DDX10: variants seen among roughly 807,000 people sequenced by gnomAD.
DDX10 encodes probable ATP-dependent RNA helicase DDX10.
In DDX10, 74 loss-of-function variants were observed where a neutral mutation model predicts 104.3. That is an observed-to-expected ratio of 0.71 (90% CI 0.59 to 0.86). The LOEUF (loss-of-function observed/expected upper bound fraction) is 0.86, where lower values mean the gene tolerates loss of function less well. Ranked by LOEUF, DDX10 falls within the 40% of genes least tolerant of loss-of-function variation. The pLI is 0.00. For synonymous variants in DDX10, 351 were observed against 353.4 expected, an observed-to-expected ratio of 0.99 and a Z score of 0.08; for missense variants, 952 against 1,040.0, an observed-to-expected ratio of 0.92 and a Z score of 1.16.
intron 13 of DDX10, among the ~76,000 whole-genome samples, chr11:108,804,622 T>C (rs1490374674): frequency 6.6e-6 from 1 of 152,200 alleles, no homozygotes; most frequent in Non-Finnish European, 1.5e-5. Flanking sequence ...CTGGGATCTC[T>C]GCTCAGGGTC....
chr11:108,749,536 C>T (rs868232777), intron 13 of DDX10, among the ~76,000 whole-genome samples: 2 of 152,200 alleles, frequency 1.3e-5, no homozygotes, highest in African/African-American at 2.4e-5. Context: ...AAACACTTCC[C>T]TTAATTGCTT....
intron 13 of DDX10, among the ~76,000 whole-genome samples, chr11:108,802,088 A>G (rs1374345108): frequency 1.3e-5 from 2 of 151,876 alleles, no homozygotes; most frequent in African/African-American, 2.4e-5. Context: ...TACTTTGTCC[A>G]GAAAACTCAG....
At chr11:108,887,571 CAT>C (rs1337272851) in intron 16 of DDX10, among the ~76,000 whole-genome samples, 1 of 149,432 alleles carries the variant, frequency 6.7e-6, no homozygotes, top group Non-Finnish European at 1.5e-5. Context: ...ACCGGAAACT[CAT>C]AGTCTGCTTA....
chr11:108,914,771 G>A (rs936583257), intron 16 of DDX10, among the ~76,000 whole-genome samples: 2 of 146,564 alleles, frequency 1.4e-5, no homozygotes, highest in Non-Finnish European at 3.0e-5. Context: ...TATATTCAAA[G>A]AATTAAAGGA....
At chr11:108,827,412 G>A (rs946399639) in intron 13 of DDX10, among the ~76,000 whole-genome samples, 1 of 152,196 alleles carries the variant, frequency 6.6e-6, no homozygotes, top group Non-Finnish European at 1.5e-5. Context: ...AGAAATTACA[G>A]TAACAGAGTT....
At chr11:108,676,966 C>A in intron 3 of DDX10, 119 bp from the exon 4 acceptor site, 1 of 829,108 alleles carries the variant, frequency 1.2e-6, no homozygotes, top group Non-Finnish European at 1.9e-6. Flanking sequence ...CTGGATAAAA[C>A]TTGAGTGGTA....
intron 16 of DDX10, among the ~76,000 whole-genome samples, chr11:108,892,734 A>G (rs1215173774): frequency 2.0e-5 from 3 of 152,206 alleles, no homozygotes; most frequent in Non-Finnish European, 2.9e-5. Context: ...AACAAGTACA[A>G]TTATCATTTG....
At chr11:108,930,761 GCTTTGT>G (rs1268358615) in intron 17 of DDX10, among the ~76,000 whole-genome samples, 1 of 152,112 alleles carries the variant, frequency 6.6e-6, no homozygotes, top group Non-Finnish European at 1.5e-5. Context: ...ATAATAATAT[GCTTTGT>G]CTTTTCAGAT....
chr11:108,837,004 A>G (rs185360921), intron 13 of DDX10, among the ~76,000 whole-genome samples: 270 of 152,324 alleles, frequency 1.8e-3, no homozygotes, highest in African/African-American at 6.1e-3. Flanking sequence ...TTAAAAATCA[A>G]TCAACTAGGG....
intron 13 of DDX10, among the ~76,000 whole-genome samples, chr11:108,824,280 C>G (rs952203600): frequency 1.3e-5 from 2 of 152,098 alleles, no homozygotes; most frequent in Admixed American, 6.5e-5. Flanking sequence ...TGACCTCAAG[C>G]GATCCACCTA....
At chr11:108,706,967 C>A in intron 10 of DDX10, 130 bp downstream of exon 10, 1 of 719,202 alleles carries the variant, frequency 1.4e-6, no homozygotes, top group Non-Finnish European at 2.4e-6. Flanking sequence ...TATAAAAAGG[C>A]TCTTTTTAGA....
At position 108,885,404 on chromosome 11, in the gene DDX10, C is replaced by T. The variant is rs1591110327; in HGVS notation, c.2305-32469C>T. On this transcript the variant is annotated intron_variant, in intron 16 of 17. Transcript: ENST00000322536. ...ATGGAGTCTCGCACTCTCACCCAGG[C>T]TGGAGTGTAGTGGCGTGATCTCAGC... 2.8e-5 allele frequency among the ~76,000 whole-genome samples: 4 copies of T among 145,234 alleles called. No homozygotes were observed. In the South Asian group the frequency reaches 8.7e-4, roughly 31 times the overall value.
intron 15 of DDX10, 137 bp downstream of exon 15, chr11:108,841,613 C>CT: frequency 2.4e-6 from 2 of 842,836 alleles, no homozygotes; most frequent in South Asian, 2.1e-5. Context: ...TGTGGCTACT[C>CT]TTTTTTCTGT....
At chr11:108,804,746 C>T (rs1862073887) in intron 13 of DDX10, among the ~76,000 whole-genome samples, 1 of 152,132 alleles carries the variant, frequency 6.6e-6, no homozygotes, top group African/African-American at 2.4e-5. Flanking sequence ...TTTCTTTTGA[C>T]AGCTGTATGA....
intron 11 of DDX10, among the ~76,000 whole-genome samples, chr11:108,718,314 G>A (rs959128719): frequency 3.9e-5 from 6 of 152,190 alleles, no homozygotes; most frequent in Admixed American, 3.3e-4. Flanking sequence ...GCTATACCAA[G>A]TTGGACTTCT....
At chr11:108,708,707 A>G (rs1181774039) in intron 10 of DDX10, among the ~76,000 whole-genome samples, 5 of 151,934 alleles carry the variant, frequency 3.3e-5, no homozygotes, top group African/African-American at 1.2e-4. Flanking sequence ...AGCTAGAATT[A>G]CAGGCATGTG....
Position 108,917,987 on chromosome 11 carries a change from T to A in DDX10, c.2419T>A (p.Ser807Thr). ...AGATAAATACAGAAGCTCTGAAGAT[T>A]CAGATAGTGAAGATATGGAAAATAA... ...DPDKYRSSEDSDSEDMENKIS... is the reference protein window; with the variant it reads ...DPDKYRSSEDTDSEDMENKIS... The change falls in exon 17 of 18, where the codon TCA becomes ACA. Residue 807 changes from serine to threonine, a missense_variant. Transcript: ENST00000322536. 6.2e-7 allele frequency: 1 copy of A among 1,613,708 alleles called. No individual in the cohort carries two copies.
rs776225826 is a variant in DDX10 at position 108,723,113 on chromosome 11, C to T, written c.1616C>T (p.Ser539Phe). ...AAAGTAATTGAGCCAAGGGCTCCCT[C>T]CCTCACCAATGACGAAGTGGAAGAA... The part of the protein sequence containing the change: ...ADKVIEPRAP[S>F]LTNDEVEEFR... Residue 539 changes from serine to phenylalanine, a missense_variant, in exon 13 of 18, where the codon TCC becomes TTC. By Grantham distance (155) the Ser-to-Phe change is radical (BLOSUM62 -2). Coordinates refer to ENST00000322536, the MANE Select transcript of DDX10 (RefSeq NM_004398.4). The T allele has an allele frequency of 6.8e-6, 11 of 1,613,732 alleles. No homozygotes were observed. Among genetic ancestry groups the T allele is most frequent in the South Asian group, 2.2e-5 (2 of 91,064 alleles).
intron 15 of DDX10, among the ~76,000 whole-genome samples, chr11:108,851,075 A>G (rs1005056212): frequency 6.6e-6 from 1 of 152,176 alleles, no homozygotes; most frequent in Admixed American, 6.6e-5. Flanking sequence ...TGAAAGTACA[A>G]TTTTATTCCT....
Sources: gnomAD v4.1 joint callset for allele counts (sites outside exome capture counted in the v4.1 genomes callset) on GRCh38, gnomAD v4.1.1 for gene constraint, MANE v1.5 for transcripts, NCBI Gene and HGNC (gene_info 2026-07-23, HGNC 2026-07-21) for gene names.